The following TUSC3 variants were observed in gnomAD, a reference collection of about 807,000 sequenced individuals.
TUSC3 encodes tumor suppressor candidate 3.
Under a neutral mutation model 44.8 loss-of-function variants are expected in TUSC3, and 45 were observed. That is an observed-to-expected ratio of 1.00 (90% CI 0.79 to 1.29). TUSC3 has a LOEUF of 1.29. Among genes scored for constraint, TUSC3 ranks in the 50% most tolerant of loss-of-function variants. The probability of loss-of-function intolerance (pLI) is 0.00; values close to 1 mark genes in which losing one functional copy is unlikely to be tolerated. For missense variants in TUSC3, 519 were observed against 437.9 expected, an observed-to-expected ratio of 1.19 and a Z score of -1.65; for synonymous variants, 212 against 152.9, an observed-to-expected ratio of 1.39 and a Z score of -2.85.
chr8:15,497,850 T>C (rs1020450540), intron 2 of TUSC3, among the ~76,000 whole-genome samples: 1 of 152,090 alleles, frequency 6.6e-6, no homozygotes, highest in Non-Finnish European at 1.5e-5. Context: ...GTTCAAGTGA[T>C]TCTCCTGCCT....
rs1277677346 is a variant in TUSC3, at chr8:15,638,098, T to C, written c.309-12599T>C. ...GCCACTGTTCTTGCCCACCATGTTA[T>C]AGACCTGTTCTCAGTGTTTTCAAAT... On this transcript the variant is annotated intron_variant, in intron 2 of 10. Transcript: ENST00000503731. 2.0e-5 allele frequency among the ~76,000 whole-genome samples: 3 copies of C among 152,174 alleles called. No homozygotes were observed. In the East Asian group the frequency reaches 5.8e-4, roughly 29 times the overall value.
the TUSC3 span, among the ~76,000 whole-genome samples, chr8:15,810,150 G>A: frequency 2.0e-5 from 3 of 152,110 alleles, no homozygotes; most frequent in Non-Finnish European, 4.4e-5. Context: ...TGGGGGAAAC[G>A]TAAATTCTCA....
the TUSC3 span, among the ~76,000 whole-genome samples, chr8:15,822,913 G>T: frequency 6.6e-6 from 1 of 152,076 alleles, no homozygotes; most frequent in Admixed American, 6.6e-5. Flanking sequence ...GTGGATTGAA[G>T]TCATATCTGT....
intron 1 of TUSC3, among the ~76,000 whole-genome samples, chr8:15,422,680 C>G (rs1799752257): frequency 6.6e-6 from 1 of 152,068 alleles, no homozygotes; most frequent in African/African-American, 2.4e-5. Flanking sequence ...GTGACAGGGT[C>G]TCACTCTGTC....
At chr8:15,498,003 G>A (rs899537270) in intron 2 of TUSC3, among the ~76,000 whole-genome samples, 5 of 152,016 alleles carry the variant, frequency 3.3e-5, no homozygotes, top group African/African-American at 1.2e-4. Context: ...CCCCCCTTCG[G>A]CCTTCCAAAG....
chr8:15,589,527 A>G (rs1803735572), intron 1 of TUSC3, among the ~76,000 whole-genome samples: 1 of 152,204 alleles, frequency 6.6e-6, no homozygotes, highest in Non-Finnish European at 1.5e-5. Flanking sequence ...GCTAATTACA[A>G]TTTAAATTTT....
In TUSC3 at chr8:15,766,234, A is replaced by G. The variant is rs1448742856; in HGVS notation, c.*2078A>G. 6.6e-6 allele frequency: 1 copy of G among 152,108 alleles called. No individual in the cohort carries two copies. The highest frequency in any genetic ancestry group is 1.5e-5 in the Non-Finnish European group (1 of 67,986). 9.4% of individuals were successfully genotyped at this position (152,108 alleles called of 1,614,324 possible). ...ACTGTTACATTAGGGAAGTGATTCTAGAGCAAAATATACTGCCTCAACATA... is the reference window on the plus strand; with the variant it reads ...ACTGTTACATTAGGGAAGTGATTCTGGAGCAAAATATACTGCCTCAACATA... On this transcript the variant is annotated 3_prime_UTR_variant, in exon 11 of 11. Coordinates refer to ENST00000503731, the MANE Select transcript of TUSC3 (RefSeq NM_006765.4).
chr8:15,694,163 C>T (rs545377921), intron 6 of TUSC3, among the ~76,000 whole-genome samples: 2 of 152,014 alleles, frequency 1.3e-5, no homozygotes, highest in African/African-American at 4.8e-5. Context: ...ACCATGTTGG[C>T]CGGGCACAGT....
At chr8:15,596,527 C>T (rs191250618) in intron 1 of TUSC3, among the ~76,000 whole-genome samples, 4 of 152,204 alleles carry the variant, frequency 2.6e-5, no homozygotes. Flanking sequence ...TGTGGGGTGT[C>T]CTAGAACCAA....
At chr8:15,612,368 A>T (rs1804801690) in intron 1 of TUSC3, among the ~76,000 whole-genome samples, 3 of 152,192 alleles carry the variant, frequency 2.0e-5, no homozygotes, top group Non-Finnish European at 4.4e-5. Context: ...AAAGAGTAAA[A>T]AATATGAGAT....
At chr8:15,420,557 T>C (rs1370889265) in intron 1 of TUSC3, among the ~76,000 whole-genome samples, 1 of 151,740 alleles carries the variant, frequency 6.6e-6, no homozygotes, top group African/African-American at 2.4e-5. Context: ...ACTTGTGAAG[T>C]CATTTCCCCT....
At chr8:15,650,998 C>CAT in intron 3 of TUSC3, 184 bp downstream of exon 3, 1 of 541,842 alleles carries the variant, frequency 1.8e-6, no homozygotes, top group South Asian at 2.0e-5. Flanking sequence ...CACACACACA[C>CAT]ACACACACAC....
chr8:15,633,056 G>C (rs976749082), intron 2 of TUSC3, among the ~76,000 whole-genome samples: 23 of 152,172 alleles, frequency 1.5e-4, no homozygotes, highest in Admixed American at 1.5e-3. Flanking sequence ...TTGCTTTGAG[G>C]CCTTTTTAGT....
chr8:15,494,295 C>T (rs1800849241), intron 2 of TUSC3, among the ~76,000 whole-genome samples: 1 of 149,740 alleles, frequency 6.7e-6, no homozygotes, highest in Non-Finnish European at 1.5e-5. Context: ...GCCCCTGAAT[C>T]TCCATAGGGC....
chr8:15,606,514 G>A (rs1021555330), intron 1 of TUSC3, among the ~76,000 whole-genome samples: 1 of 151,988 alleles, frequency 6.6e-6, no homozygotes, highest in East Asian at 1.9e-4. Flanking sequence ...TATTTAGCAT[G>A]TATGTAAAAA....
chr8:15,638,201 G>A (rs3788999), intron 2 of TUSC3, among the ~76,000 whole-genome samples: 29,186 of 149,530 alleles, frequency 0.2, 3,209 homozygotes, highest in South Asian at 0.37. Context: ...AGGATCCCTC[G>A]TACCCCTTTT....
At chr8:15,791,860 A>G in the TUSC3 span, among the ~76,000 whole-genome samples, 1 of 152,170 alleles carries the variant, frequency 6.6e-6, no homozygotes, top group East Asian at 1.9e-4. Flanking sequence ...CTGGGCTTCA[A>G]ACAAGTGGTA....
At position 15,743,328 on chromosome 8, in the gene TUSC3, A is replaced by G. The variant is rs2410282; in HGVS notation, c.863-210A>G. 2.4e-3 allele frequency: 1,357 copies of G among 568,940 alleles called. 17 individuals are homozygous for G. The highest frequency in any genetic ancestry group is 0.017 in the East Asian group (573 of 32,774). 35.2% of individuals were successfully genotyped at this position (568,940 alleles called of 1,614,324 possible). Reference sequence around the variant, plus strand: ...TTTGGAATTAGCCTCTCAATATATCACAAATTGAAGTTTCAGGTTATAAAT... The same window carrying G: ...TTTGGAATTAGCCTCTCAATATATCGCAAATTGAAGTTTCAGGTTATAAAT... On this transcript the variant is annotated intron_variant, in intron 7 of 10. Transcript: ENST00000503731.
chr8:15,825,689 G>C, the TUSC3 span, among the ~76,000 whole-genome samples: 1 of 152,096 alleles, frequency 6.6e-6, no homozygotes, highest in Non-Finnish European at 1.5e-5. Flanking sequence ...ACAAATAAGT[G>C]CCTTGAAGTG....
Sources: allele counts gnomAD v4.1 joint callset (sites outside exome capture counted in the v4.1 genomes callset), GRCh38; gene constraint gnomAD v4.1.1; transcripts MANE v1.5; gene names NCBI Gene and HGNC (gene_info 2026-07-23, HGNC 2026-07-21).